Variants in ARL17B observed in about 807,000 individuals in gnomAD.
The protein encoded by ARL17B is ADP-ribosylation factor-like protein 17.
At chr17:46,280,875 C>G (rs2049744682) in intron 4 of ARL17B, among the ~76,000 whole-genome samples, 1 of 152,158 alleles carries the variant, frequency 6.6e-6, no homozygotes, top group Admixed American at 6.5e-5. Flanking sequence ...CGTGTCTGGC[C>G]AATAGCACAC....
intron 4 of ARL17B, chr17:46,292,697 G>T (rs1485460365): frequency 5.1e-5 from 4 of 79,196 alleles, no homozygotes; most frequent in African/African-American, 1.3e-4. Context: ...TGGGGAGAAG[G>T]TAACTGGCCT....
chr17:46,291,985 A>AAAAAAAAAAAAAAAAAAAAAAAC (rs1360524355), intron 4 of ARL17B, among the ~76,000 whole-genome samples: 1 of 76,670 alleles, frequency 1.3e-5, no homozygotes, highest in Non-Finnish European at 2.8e-5. Context: ...AAAAAAAAAA[A>AAAAAAAAAAAAAAAAAAAAAAAC]AAGCCAATAA....
chr17:46,289,892 G>A (rs563779766), intron 4 of ARL17B, among the ~76,000 whole-genome samples: 10 of 152,304 alleles, frequency 6.6e-5, no homozygotes, highest in South Asian at 2.1e-4. Context: ...GGCCGAGGGC[G>A]GAAGATCACT....
intron 4 of ARL17B, among the ~76,000 whole-genome samples, chr17:46,290,818 CAAAA>C (rs1193553365): frequency 6.6e-6 from 1 of 152,198 alleles, no homozygotes; most frequent in Non-Finnish European, 1.5e-5. Context: ...CAAAAACAAA[CAAAA>C]AACCCACAGG....
downstream of ARL17B, chr17:46,332,778 T>A: frequency 2.5e-6 from 1 of 403,138 alleles, no homozygotes; most frequent in Non-Finnish European, 4.9e-6. Context: ...ACTTCTTCAG[T>A]CATTTAAGGC....
intron 4 of ARL17B, among the ~76,000 whole-genome samples, chr17:46,280,195 C>T (rs2049722848): frequency 6.6e-6 from 1 of 151,990 alleles, no homozygotes; most frequent in South Asian, 2.1e-4. Flanking sequence ...AAAACCCCAT[C>T]CCTACTAAAA....
downstream of ARL17B, among the ~76,000 whole-genome samples, chr17:46,298,761 A>G (rs1440767984): frequency 2.0e-5 from 2 of 98,254 alleles, no homozygotes; most frequent in African/African-American, 6.9e-5. Context: ...GGAGGGAAGA[A>G]AGAGAATAGG....
At chr17:46,288,735 AC>A (rs2049988301) in intron 4 of ARL17B, among the ~76,000 whole-genome samples, 1 of 140,038 alleles carries the variant, frequency 7.1e-6, no homozygotes, top group Non-Finnish European at 1.5e-5. Context: ...ACTGGGTCTC[AC>A]TCTGTCACCC....
At chr17:46,289,203 A>G (rs2050000733) in intron 4 of ARL17B, among the ~76,000 whole-genome samples, 1 of 152,192 alleles carries the variant, frequency 6.6e-6, no homozygotes, top group Non-Finnish European at 1.5e-5. Flanking sequence ...TTATTTGGAG[A>G]TAAGAGTCTC....
chr17:46,304,962 G>A (rs1567863823), intron 3 of ARL17B, among the ~76,000 whole-genome samples: 1 of 71,894 alleles, frequency 1.4e-5, no homozygotes, highest in Non-Finnish European at 4.1e-5. Flanking sequence ...TCCGCCTCCT[G>A]GGTTCATGCC....
At position 46,335,620 on chromosome 17, in the gene ARL17B, T is replaced by G; in HGVS notation, c.*3880A>C. 1 of 181,574 alleles carries G rather than the reference T, an allele frequency of 5.5e-6. No homozygotes were observed. The highest frequency in any genetic ancestry group is 1.8e-5 in the African/African-American group (1 of 54,954). 11.2% of individuals were successfully genotyped at this position (181,574 alleles called of 1,614,324 possible). A position where few individuals can be genotyped will look rare whatever the true frequency, so the allele number is the denominator to read the frequency against. ...GTAAATATTAGTCTGGTGATTTTTT[T>G]TTTCTTCTCTTTTGAGATGGAGTTT... On this transcript the variant is annotated 3_prime_UTR_variant, in exon 4 of 4. Transcript: ENST00000450673.
chr17:46,332,398 A>G (rs2052002256), downstream of ARL17B, among the ~76,000 whole-genome samples: 2 of 78,442 alleles, frequency 2.5e-5, no homozygotes, highest in African/African-American at 1.2e-4. Context: ...AGTCTAGTGA[A>G]CGGTGATTGC....
At chr17:46,284,068 C>T (rs2049843093) in intron 4 of ARL17B, among the ~76,000 whole-genome samples, 1 of 152,240 alleles carries the variant, frequency 6.6e-6, no homozygotes, top group Non-Finnish European at 1.5e-5. Context: ...ATTCCATTGC[C>T]CAGGGACGGG....
chr17:46,275,826 C>A (rs1483848038), intron 4 of ARL17B, among the ~76,000 whole-genome samples: 1 of 151,900 alleles, frequency 6.6e-6, no homozygotes, highest in Non-Finnish European at 1.5e-5. Flanking sequence ...AAAGAAAAAG[C>A]AATTTTAAAA....
At chr17:46,284,419 C>A (rs1285893559) in intron 4 of ARL17B, among the ~76,000 whole-genome samples, 26 of 152,250 alleles carry the variant, frequency 1.7e-4, no homozygotes, top group Admixed American at 3.3e-4. Flanking sequence ...TGAGTTGACA[C>A]AGCACATGTC....
intron 4 of ARL17B, among the ~76,000 whole-genome samples, chr17:46,286,012 T>C (rs1306366716): frequency 6.6e-6 from 1 of 152,252 alleles, no homozygotes; most frequent in Non-Finnish European, 1.5e-5. Context: ...TACTCATCAA[T>C]GAGCTCTGCC....
intron 4 of ARL17B, among the ~76,000 whole-genome samples, chr17:46,290,533 G>A (rs1384096385): frequency 2.0e-5 from 3 of 152,176 alleles, no homozygotes; most frequent in Non-Finnish European, 2.9e-5. Flanking sequence ...TGCAACCTCC[G>A]CCTTCTGGGT....
rs1199829788 is a variant in ARL17B, at chr17:46,328,075, C to A, written c.259+24745G>T. ...CTTATTCAGACTTCTTAAAAGTCTA[C>A]CTTCTTCCTCTGTACTTTCAGCCCA... On this transcript the variant is annotated intron_variant, in intron 3 of 4. Coordinates refer to the ARL17B transcript ENST00000434041. Among the ~76,000 whole-genome samples the A allele has an allele frequency of 1.3e-4, 4 of 30,098 alleles. 2 individuals carry two copies. Among genetic ancestry groups the A allele is most frequent in the Admixed American group, 8.6e-4 (2 of 2,334 alleles). The allele number at this position is 30,098 out of a possible 152,430, so 19.7% of individuals were successfully genotyped here. A position where few individuals can be genotyped will look rare whatever the true frequency, so the allele number is the denominator to read the frequency against.
intron 4 of ARL17B, among the ~76,000 whole-genome samples, chr17:46,284,282 C>A (rs1218255904): frequency 6.6e-6 from 1 of 152,258 alleles, no homozygotes; most frequent in Non-Finnish European, 1.5e-5. Context: ...GTCCCTGCGG[C>A]CTTCCGCAGT....
Sources: gnomAD v4.1 joint callset for allele counts (sites outside exome capture counted in the v4.1 genomes callset) on GRCh38, gnomAD v4.1.1 for gene constraint, MANE v1.5 for transcripts, NCBI Gene and HGNC (gene_info 2026-07-23, HGNC 2026-07-21) for gene names.